RCN2: variants seen among roughly 807,000 people sequenced by gnomAD.
The protein encoded by RCN2 is reticulocalbin-2.
Under a neutral mutation model 37.5 loss-of-function variants are expected in RCN2, and 23 were observed. The observed-to-expected ratio is 0.61, with a 90% CI of 0.44 to 0.87. The LOEUF (loss-of-function observed/expected upper bound fraction) is 0.87. Ranked by LOEUF, RCN2 falls within the 40% of genes least tolerant of loss-of-function variation. RCN2 has a pLI of 0.00. For missense variants in RCN2, 381 were observed against 390.4 expected, an observed-to-expected ratio of 0.98 and a Z score of 0.20; for synonymous variants, 140 against 144.6, an observed-to-expected ratio of 0.97 and a Z score of 0.23.
intron 3 of RCN2, chr15:76,942,729 C>A (rs952578050): frequency 1.3e-5 from 2 of 152,190 alleles, no homozygotes; most frequent in African/African-American, 4.8e-5. Context: ...ATAGCCTGAG[C>A]TCAGGAGTTT....
Position 76,949,106 on chromosome 15 carries a change from G to T in RCN2, c.838G>T (p.Asp280Tyr). 1 of 1,611,066 alleles carries T rather than the reference G, an allele frequency of 6.2e-7. No individual in the cohort carries two copies. Among genetic ancestry groups the T allele is most frequent in the South Asian group, 1.1e-5 (1 of 90,304 alleles). ...AATTGATGAAATGGATTTGAATGGT[G>T]ACAAAAAGCTCTCTGAAGAAGAGAT... ...HLIDEMDLNG[D>Y]KKLSEEEILE... Residue 280 changes from aspartate (D) to tyrosine (Y), a missense_variant, in exon 7 of 7, where the codon GAC (aspartate) becomes TAC (tyrosine). Physicochemically the swap from Asp to Tyr is radical, Grantham distance 160 (BLOSUM62 -3). Coordinates refer to ENST00000394885, the MANE Select transcript of RCN2 (RefSeq NM_002902.3).
rs1263655841 is a variant in RCN2, at chr15:76,953,671, G to C, written c.*4449G>C. The C allele has an allele frequency of 3.1e-5, 4 of 130,762 alleles. No individual in the cohort carries two copies. Among genetic ancestry groups the C allele is most frequent in the East Asian group, 2.4e-4 (1 of 4,142 alleles). 8.1% of individuals were successfully genotyped at this position (130,762 alleles called of 1,614,324 possible). On this transcript the variant is annotated 3_prime_UTR_variant, in exon 7 of 7. Coordinates refer to ENST00000394885, the MANE Select transcript of RCN2 (RefSeq NM_002902.3). ...CGCCCAGGCTGGAGTGCAGTGGCGCGATCTCGGCTCACTGCAGGCTCCGCC... is the reference window on the plus strand; with the variant it reads ...CGCCCAGGCTGGAGTGCAGTGGCGCCATCTCGGCTCACTGCAGGCTCCGCC...
Position 76,949,352 on chromosome 15 carries a change from A to G in RCN2, c.*130A>G. On this transcript the variant is annotated 3_prime_UTR_variant, in exon 7 of 7. Transcript: ENST00000394885. Reference sequence around the variant, plus strand: ...ACCACAGTCAGAATTATCTTAATGTAGATTATAATTTTGGTCTTTTAGGAA... The same window carrying G: ...ACCACAGTCAGAATTATCTTAATGTGGATTATAATTTTGGTCTTTTAGGAA... 1.5e-6 allele frequency: 1 copy of G among 658,268 alleles called. No individual in the cohort carries two copies. The highest frequency in any genetic ancestry group is 2.3e-6 in the Non-Finnish European group (1 of 442,670). The allele number at this position is 658,268 out of a possible 1,614,324, so 40.8% of individuals were successfully genotyped here.
At chr15:76,947,400 T>C in intron 4 of RCN2, 21 bp from the exon 5 acceptor site, 1 of 1,506,738 alleles carries the variant, frequency 6.6e-7, no homozygotes, top group Non-Finnish European at 9.1e-7. Flanking sequence ...TTTTTTTTCT[T>C]TTTTAATGAA....
In RCN2 at chr15:76,953,123, G is replaced by C. The variant is rs893514780; in HGVS notation, c.*3901G>C. On this transcript the variant is annotated 3_prime_UTR_variant, in exon 7 of 7. Transcript: ENST00000394885. ...TAATTTTTGTACTTTTAGTAGAGAC[G>C]GGGTTTCGCCATGTTGGCATGGCTG... 1.3e-5 allele frequency: 2 copies of C among 151,164 alleles called. No homozygotes were observed. The highest frequency in any genetic ancestry group is 4.9e-5 in the African/African-American group (2 of 41,014). 9.4% of individuals were successfully genotyped at this position (151,164 alleles called of 1,614,324 possible). A position where few individuals can be genotyped will look rare whatever the true frequency, so the allele number is the denominator to read the frequency against.
rs181921682 is a variant in RCN2 at position 76,952,354 on chromosome 15, C to T, written c.*3132C>T. 2 of 151,682 alleles carry T rather than the reference C, an allele frequency of 1.3e-5. No homozygotes were observed. Among genetic ancestry groups the T allele is most frequent in the African/African-American group, 2.4e-5 (1 of 41,258 alleles). The allele number at this position is 151,682 out of a possible 1,614,324, so 9.4% of individuals were successfully genotyped here. The stretch of plus-strand genomic sequence containing the variant: ...CTTGCCCTAAAGTCTTTCTGCTCCA[C>T]CTATTCATCCCTCCCTTCCCTGTAA... On this transcript the variant is annotated 3_prime_UTR_variant, in exon 7 of 7. Transcript: ENST00000394885.
rs755376949 is a variant in RCN2 at position 76,949,125 on chromosome 15, A to G, written c.857A>G (p.Glu286Gly). 1 of 1,613,300 alleles carries G rather than the reference A, an allele frequency of 6.2e-7. No homozygotes were observed. Among genetic ancestry groups the G allele is most frequent in the Non-Finnish European group, 8.5e-7 (1 of 1,179,694 alleles). ...DLNGDKKLSE[E>G]EILENPDLFL... ...AATGGTGACAAAAAGCTCTCTGAAGAAGAGATTCTGGAAAACCCGGACTTG... is the reference window on the plus strand; with the variant it reads ...AATGGTGACAAAAAGCTCTCTGAAGGAGAGATTCTGGAAAACCCGGACTTG... Residue 286 changes from glutamate (E) to glycine (G), a missense_variant, in exon 7 of 7, where the codon GAA (glutamate) becomes GGA (glycine). Transcript: ENST00000394885.
chr15:76,949,125 AAG>A lies in RCN2; in HGVS notation c.861_862del (p.Glu287AspfsTer12). 1 of 1,613,300 alleles carries A rather than the reference AAG, an allele frequency of 6.2e-7. No homozygotes were observed. Among genetic ancestry groups the A allele is most frequent in the African/African-American group, 1.3e-5 (1 of 74,994 alleles). ...AATGGTGACAAAAAGCTCTCTGAAG[AAG>A]AGATTCTGGAAAACCCGGACTTGTT... On this transcript the variant is annotated frameshift_variant, in exon 7 of 7. Transcript: ENST00000394885. LOFTEE classifies it high-confidence loss of function.
chr15:76,937,395 C>G (rs921715811), intron 3 of RCN2, among the ~76,000 whole-genome samples: 8 of 151,806 alleles, frequency 5.3e-5, no homozygotes, highest in African/African-American at 1.4e-4. Flanking sequence ...TGAGTACACC[C>G]TTTAAAATTA....
chr15:76,936,462 G>A (rs746907382), intron 3 of RCN2, among the ~76,000 whole-genome samples: 3 of 152,088 alleles, frequency 2.0e-5, no homozygotes, highest in Non-Finnish European at 2.9e-5. Flanking sequence ...CTCCTAAGGA[G>A]TGCGCAACGA....
chr15:76,935,103 T>A (rs1251540227), intron 2 of RCN2, among the ~76,000 whole-genome samples: 1 of 152,116 alleles, frequency 6.6e-6, no homozygotes, highest in Non-Finnish European at 1.5e-5. Flanking sequence ...GGCAGGTGGA[T>A]CACGAGGTCA....
intron 3 of RCN2, among the ~76,000 whole-genome samples, chr15:76,937,692 G>A (rs568861115): frequency 6.6e-6 from 1 of 152,264 alleles, no homozygotes; most frequent in South Asian, 2.1e-4. Context: ...ACAGGTGTAA[G>A]CCACGACACC....
chr15:76,933,492 C>T (rs2075233734), intron 2 of RCN2, among the ~76,000 whole-genome samples: 2 of 152,182 alleles, frequency 1.3e-5, no homozygotes, highest in Admixed American at 6.5e-5. Flanking sequence ...TTTGGTTATA[C>T]TAGAGTAATC....
chr15:76,950,428 GC>G lies in RCN2; in HGVS notation c.*1209del, dbSNP rs1450395692. The G allele has an allele frequency of 1.4e-5, 2 of 142,804 alleles. No individual in the cohort carries two copies. Among genetic ancestry groups the G allele is most frequent in the Admixed American group, 1.4e-4 (2 of 13,808 alleles). 8.8% of individuals were successfully genotyped at this position (142,804 alleles called of 1,614,324 possible). Reference sequence around the variant, plus strand: ...TTTTGTGACAGAGTCTTGCTCTGTGGCCCAGGCTGGAGTGCAGGGGCACTAT... The same window carrying G: ...TTTTGTGACAGAGTCTTGCTCTGTGGCCAGGCTGGAGTGCAGGGGCACTAT... On this transcript the variant is annotated 3_prime_UTR_variant, in exon 7 of 7. Coordinates refer to ENST00000394885, the MANE Select transcript of RCN2 (RefSeq NM_002902.3).
intron 1 of RCN2, 55 bp downstream of exon 1, chr15:76,932,040 G>A: frequency 5.7e-6 from 7 of 1,234,412 alleles, no homozygotes; most frequent in Non-Finnish European, 7.1e-6. Context: ...CGGCTGCCGC[G>A]GGCTTTGTCC....
chr15:76,940,546 C>CTTTTTTTT lies in RCN2; in HGVS notation c.448-3199_448-3192dup, dbSNP rs11463370. 2.3e-3 allele frequency among the ~76,000 whole-genome samples: 278 copies of CTTTTTTTT among 119,610 alleles called. 1 individual carries two copies. Among genetic ancestry groups the CTTTTTTTT allele is most frequent in the Non-Finnish European group, 3.6e-3 (215 of 59,412 alleles). The allele number at this position is 119,610 out of a possible 152,430, so 78.5% of individuals were successfully genotyped here. A position where few individuals can be genotyped will look rare whatever the true frequency, so the allele number is the denominator to read the frequency against. ...AGTCAGCTTAATATCTGAACTTCAC[C>CTTTTTTTT]TTTTTTTTTTTTTTTTTTTTGAGAG... is the stretch of plus-strand genomic sequence containing the variant. On this transcript the variant is annotated intron_variant, in intron 3 of 6. Coordinates refer to ENST00000394885, the MANE Select transcript of RCN2 (RefSeq NM_002902.3).
rs1596007786 is a variant in RCN2 at position 76,949,051 on chromosome 15, T to C, written c.802-19T>C. ...GAAAATACTTATTACACTTGACACT[T>C]TTTTGTTTTATTTTGAAGGCGCTTC... On this transcript the variant is annotated intron_variant, in intron 6 of 6. Coordinates refer to ENST00000394885, the MANE Select transcript of RCN2 (RefSeq NM_002902.3). 2.5e-6 allele frequency: 4 copies of C among 1,582,644 alleles called. No individual in the cohort carries two copies. The highest frequency in any genetic ancestry group is 4.5e-5 in the East Asian group (2 of 44,432).
At position 76,941,586 on chromosome 15, in the gene RCN2, AAG is replaced by A. The variant is rs1301421460; in HGVS notation, c.448-2169_448-2168del. 18 of 1,034,894 alleles carry A rather than the reference AAG, an allele frequency of 1.7e-5. 1 individual carries two copies. In the East Asian group the frequency reaches 3.4e-4, roughly 20 times the overall value. 64.1% of individuals were successfully genotyped at this position (1,034,894 alleles called of 1,614,324 possible). On this transcript the variant is annotated intron_variant, in intron 3 of 6. Coordinates refer to ENST00000394885, the MANE Select transcript of RCN2 (RefSeq NM_002902.3). ...AAAGTTTTTATATACAAGAAAAAAAAAGAGTGTTGAAGTTTTATGAAACTGAC... is the reference window on the plus strand; with the variant it reads ...AAAGTTTTTATATACAAGAAAAAAAAAGTGTTGAAGTTTTATGAAACTGAC...
intron 2 of RCN2, among the ~76,000 whole-genome samples, chr15:76,933,366 A>G (rs1029435588): frequency 6.6e-6 from 1 of 152,246 alleles, no homozygotes; most frequent in African/African-American, 2.4e-5. Flanking sequence ...TGTGCTGTCA[A>G]TGACATATTC....
Sources: allele counts gnomAD v4.1 joint callset (sites outside exome capture counted in the v4.1 genomes callset), GRCh38; gene constraint gnomAD v4.1.1; transcripts MANE v1.5; gene names NCBI Gene and HGNC (gene_info 2026-07-23, HGNC 2026-07-21).